MTARC1: variants seen among roughly 807,000 people sequenced by gnomAD.
MTARC1 encodes the protein mitochondrial amidoxime-reducing component 1.
MTARC1 carries 24 observed loss-of-function variants against 33.6 expected under a neutral mutation model. The observed-to-expected ratio is 0.72, with a 90% CI of 0.52 to 1.01. The LOEUF is 1.01. MTARC1 is among the 50% of genes least tolerant of loss of function. The pLI is 0.00. For missense variants in MTARC1, 417 were observed against 445.7 expected (o/e 0.94, Z 0.58); for synonymous variants, 187 against 189.5 (o/e 0.99, Z 0.11).
intron 4 of MTARC1, among the ~76,000 whole-genome samples, chr1:220,803,215 T>C (rs1349554968): frequency 6.6e-6 from 1 of 151,306 alleles, no homozygotes; most frequent in African/African-American, 2.4e-5. Flanking sequence ...GGCAAGAGAG[T>C]GCGTGCAGGG....
At position 220,813,734 on chromosome 1, in the gene MTARC1, G is replaced by T; in HGVS notation, c.*316G>T. 2 of 279,938 alleles carry T rather than the reference G, an allele frequency of 7.1e-6. No individual in the cohort carries two copies. Among genetic ancestry groups the T allele is most frequent in the Non-Finnish European group, 1.4e-5 (2 of 143,482 alleles). 17.3% of individuals were successfully genotyped at this position (279,938 alleles called of 1,614,324 possible). On this transcript the variant is annotated 3_prime_UTR_variant, in exon 7 of 7. Coordinates refer to ENST00000366910, the MANE Select transcript of MTARC1 (RefSeq NM_022746.4). The stretch of plus-strand genomic sequence containing the variant: ...GCTTCTCCGTTTATCTACCAAGAGC[G>T]CAGACTTGCATCCTGTCACTACCAC...
intron 4 of MTARC1, chr1:220,799,190 C>T: frequency 1.0e-6 from 1 of 981,742 alleles, no homozygotes; most frequent in Non-Finnish European, 1.2e-6. Flanking sequence ...CCCAAATCCA[C>T]TGCTAATGCT....
chr1:220,803,572 T>G (rs923277264), intron 4 of MTARC1, among the ~76,000 whole-genome samples: 3 of 152,152 alleles, frequency 2.0e-5, no homozygotes, highest in Non-Finnish European at 2.9e-5. Context: ...CTCCCTTCTC[T>G]GAAGCTACCG....
chr1:220,809,064 C>T, intron 6 of MTARC1: 1 of 394,570 alleles, frequency 2.5e-6, no homozygotes, highest in South Asian at 1.9e-5. Flanking sequence ...CTGTGCTCTG[C>T]TGAGCTAAAC....
chr1:220,787,481 C>A (rs1672271743), intron 1 of MTARC1, among the ~76,000 whole-genome samples: 1 of 152,128 alleles, frequency 6.6e-6, no homozygotes, highest in South Asian at 2.1e-4. Context: ...GGCTCTTTGG[C>A]GTCATGTGCT....
At chr1:220,799,295 C>T in intron 4 of MTARC1, 2 of 545,568 alleles carry the variant, frequency 3.7e-6, no homozygotes, top group Non-Finnish European at 4.7e-6. Flanking sequence ...GGACTGTGTG[C>T]ATGTCCCCCA....
At position 220,805,240 on chromosome 1, in the gene MTARC1, A is replaced by G. The variant is rs1233719563; in HGVS notation, c.853A>G (p.Met285Val). 3.1e-6 allele frequency: 5 copies of G among 1,613,544 alleles called. No individual in the cohort carries two copies. Among genetic ancestry groups the G allele is most frequent in the Non-Finnish European group, 4.2e-6 (5 of 1,180,034 alleles). Residue 285 changes from methionine (M) to valine (V), a missense_variant, in exon 6 of 7, where the codon ATG becomes GTG. By Grantham distance (21) the Met-to-Val change is conservative (BLOSUM62 1). Transcript: ENST00000366910. ...CACAGTGGACCCAGACACCGGTGTC[A>G]TGAGCAGGAAGGAACCGCTGGAAAC... ...LTTVDPDTGV[M>V]SRKEPLETLK...
At chr1:220,804,724 T>G (rs1672919099) in intron 4 of MTARC1, among the ~76,000 whole-genome samples, 3 of 54,892 alleles carry the variant, frequency 5.5e-5, no homozygotes, top group South Asian at 6.2e-4. Context: ...ACCCACCCCA[T>G]TCACTTTGTG....
In MTARC1 at chr1:220,796,680, G is replaced by T; in HGVS notation, c.487G>T (p.Glu163Ter). Residue 163 changes from glutamate (E) to a stop codon, truncating the protein, a stop_gained, in exon 3 of 7, where the codon GAG (glutamate) becomes TAG (stop). Transcript: ENST00000366910. LOFTEE classifies it high-confidence loss of function. ...GGAGATAGAGGGCAGGGACTGTGGCGAGGCCACCGCCCAGTGGATAACCAG... is the reference window on the plus strand; with the variant it reads ...GGAGATAGAGGGCAGGGACTGTGGCTAGGCCACCGCCCAGTGGATAACCAG... ...GLEIEGRDCGEATAQWITSFL... is the reference protein window; with the variant it reads ...GLEIEGRDCG 1 of 1,611,048 alleles carries T rather than the reference G, an allele frequency of 6.2e-7. No homozygotes were observed. The highest frequency in any genetic ancestry group is 1.3e-5 in the African/African-American group (1 of 74,862).
Position 220,791,645 on chromosome 1 carries a change from A to T in MTARC1, c.430A>T (p.Asn144Tyr). Residue 144 changes from asparagine (N) to tyrosine (Y), a missense_variant, in exon 2 of 7, where the codon AAT becomes TAT. By Grantham distance (143) the Asn-to-Tyr change is moderately radical. Coordinates refer to ENST00000366910, the MANE Select transcript of MTARC1 (RefSeq NM_022746.4). ...LLLPIKTPTT[N>Y]AVHKCRVHGL... is the part of the protein sequence containing the mutation. ...ACTGCCTATCAAAACGCCCACCACA[A>T]ATGCAGTGCACAAGTGCAGGTAAGG... is the stretch of plus-strand genomic sequence containing the variant. 6.2e-7 allele frequency: 1 copy of T among 1,614,060 alleles called. No homozygotes were observed. The highest frequency in any genetic ancestry group is 8.5e-7 in the Non-Finnish European group (1 of 1,180,002).
rs1673202929 is a variant in MTARC1, at chr1:220,813,470, A to C, written c.*52A>C. On this transcript the variant is annotated 3_prime_UTR_variant, in exon 7 of 7. Transcript: ENST00000366910. Reference sequence around the variant, plus strand: ...GATGCCTTTTAAAAATGTTCTCAAAAATGACAACACTTGAAGCATGGTGTT... The same window carrying C: ...GATGCCTTTTAAAAATGTTCTCAAACATGACAACACTTGAAGCATGGTGTT... 1 of 1,603,388 alleles carries C rather than the reference A, an allele frequency of 6.2e-7. No homozygotes were observed. Among genetic ancestry groups the C allele is most frequent in the East Asian group, 2.2e-5 (1 of 44,652 alleles).
At chr1:220,798,696 G>A in intron 4 of MTARC1, 1 of 745,994 alleles carries the variant, frequency 1.3e-6, no homozygotes, top group African/African-American at 1.9e-5. Context: ...GCCACCAGCT[G>A]TGGATACTCA....
intron 3 of MTARC1, 117 bp from the exon 4 acceptor site, chr1:220,797,757 T>C (rs1672667666): frequency 3.2e-6 from 3 of 944,612 alleles, no homozygotes; most frequent in Middle Eastern, 2.4e-4. Context: ...AGAACTACTT[T>C]GAAAGATTGT....
chr1:220,804,742 C>A (rs1194397085), intron 4 of MTARC1, among the ~76,000 whole-genome samples: 1 of 149,788 alleles, frequency 6.7e-6, no homozygotes, highest in Non-Finnish European at 1.5e-5. Flanking sequence ...GTGCACCCCA[C>A]CCCCCACCAC....
rs1290376851 is a variant in MTARC1, at chr1:220,787,347, A to G, written c.275+128A>G. The G allele has an allele frequency of 5.2e-6, 7 of 1,333,638 alleles. No individual in the cohort carries two copies. In the African/African-American group the frequency reaches 1.1e-4, roughly 21 times the overall value. 82.6% of individuals were successfully genotyped at this position (1,333,638 alleles called of 1,614,324 possible). A position where few individuals can be genotyped will look rare whatever the true frequency, so the allele number is the denominator to read the frequency against. On this transcript the variant is annotated intron_variant, in intron 1 of 6. Transcript: ENST00000366910. ...TTCCTCCTATTACAAAGAAACTGGGAGTTGGGTGAGACAAGGCCAAAGAGA... is the reference window on the plus strand; with the variant it reads ...TTCCTCCTATTACAAAGAAACTGGGGGTTGGGTGAGACAAGGCCAAAGAGA...
In MTARC1 at chr1:220,791,570, T is replaced by C. The variant is rs1302309067; in HGVS notation, c.355T>C (p.Cys119Arg). ...TCGCCTGGTCCTGATTTCCCTGACC[T>C]GCGATGGTGACACCCTGACTCTCAG... Reference protein sequence around the residue: ...EPRLVLISLTCDGDTLTLSAA... With the variant: ...EPRLVLISLTRDGDTLTLSAA... Residue 119 changes from cysteine (C) to arginine (R), a missense_variant, in exon 2 of 7, where the codon TGC becomes CGC. By Grantham distance (180) the Cys-to-Arg change is radical (BLOSUM62 -3). Coordinates refer to ENST00000366910, the MANE Select transcript of MTARC1 (RefSeq NM_022746.4). The C allele has an allele frequency of 1.2e-6, 2 of 1,614,066 alleles. No individual in the cohort carries two copies. Among genetic ancestry groups the C allele is most frequent in the Non-Finnish European group, 8.5e-7 (1 of 1,180,046 alleles).
chr1:220,804,882 C>T (rs910343002), intron 4 of MTARC1, among the ~76,000 whole-genome samples, 170 bp from the exon 5 acceptor site: 35 of 152,182 alleles, frequency 2.3e-4, no homozygotes, highest in African/African-American at 7.0e-4. Context: ...AGAGAGGGAA[C>T]GCCAAGGTGT....
intron 3 of MTARC1, among the ~76,000 whole-genome samples, chr1:220,797,222 C>A (rs1362398941): frequency 6.6e-6 from 1 of 152,130 alleles, no homozygotes; most frequent in African/African-American, 2.4e-5. Flanking sequence ...TGGCATAAAG[C>A]TCTAAGGATT....
chr1:220,801,086 G>T (rs932520001), intron 4 of MTARC1, among the ~76,000 whole-genome samples: 4 of 152,128 alleles, frequency 2.6e-5, no homozygotes, highest in Admixed American at 6.5e-5. Flanking sequence ...CCCTCTCATG[G>T]TTCTCCACCT....
Sources: allele counts gnomAD v4.1 joint callset (sites outside exome capture counted in the v4.1 genomes callset), GRCh38; gene constraint gnomAD v4.1.1; transcripts MANE v1.5; gene names NCBI Gene and HGNC (gene_info 2026-07-23, HGNC 2026-07-21).